The following CADM2 variants were observed in gnomAD, a reference collection of about 807,000 sequenced individuals.
CADM2 encodes the protein immunoglobulin superfamily member 4D.
CADM2 carries 12 observed loss-of-function variants against 49.8 expected under a neutral mutation model. The ratio of observed to expected loss-of-function variants is 0.24; its 90% CI spans 0.15 to 0.39. The LOEUF (loss-of-function observed/expected upper bound fraction) is 0.39, where lower values mean the gene tolerates loss of function less well. Among genes scored for constraint, CADM2 ranks in the 10% least tolerant of loss-of-function variants. The probability of loss-of-function intolerance (pLI) is 1.00; values close to 1 mark genes in which losing one functional copy is unlikely to be tolerated. For synonymous variants in CADM2, 214 were observed against 175.4 expected (o/e 1.22, Z -1.74); for missense variants, 378 against 492.3 (o/e 0.77, Z 2.20).
intron 3 of CADM2, among the ~76,000 whole-genome samples, chr3:85,855,904 G>GC (rs1473784861): frequency 6.6e-6 from 1 of 151,968 alleles, no homozygotes; most frequent in African/African-American, 2.4e-5. Flanking sequence ...GGGATTACAG[G>GC]CGTGAGCCAC....
intron 1 of CADM2, among the ~76,000 whole-genome samples, chr3:85,329,392 G>GACAC (rs145193562): frequency 0.012 from 1,743 of 146,242 alleles, 26 homozygotes; most frequent in African/African-American, 0.034. Context: ...CACACACACA[G>GACAC]ACACACACAC....
intron 6 of CADM2, among the ~76,000 whole-genome samples, chr3:85,915,659 C>T (rs1024104245): frequency 2.6e-5 from 4 of 151,984 alleles, no homozygotes; most frequent in African/African-American, 9.7e-5. Context: ...TAGAACTTTC[C>T]ATGAATGAGA....
intron 3 of CADM2, among the ~76,000 whole-genome samples, chr3:85,819,590 A>G (rs945478832): frequency 1.3e-5 from 2 of 152,158 alleles, no homozygotes; most frequent in Admixed American, 1.3e-4. Context: ...CCATCCATTT[A>G]TGGTAGAGAA....
chr3:85,039,220 C>T lies in CADM2; in HGVS notation c.61+79552C>T, dbSNP rs28422781. 4.7e-3 allele frequency among the ~76,000 whole-genome samples: 722 copies of T among 152,220 alleles called. 4 individuals carry two copies. Among genetic ancestry groups the T allele is most frequent in the African/African-American group, 0.017 (686 of 41,542 alleles). On this transcript the variant is annotated intron_variant, in intron 1 of 9. Transcript: ENST00000383699. ...TTCTCCATGTTGGTCAGGCTGGTATCGGACTCCTCACCTCAGGTGATCCAC... is the reference window on the plus strand; with the variant it reads ...TTCTCCATGTTGGTCAGGCTGGTATTGGACTCCTCACCTCAGGTGATCCAC...
Position 85,486,636 on chromosome 3 carries a change from T to C in CADM2, c.62-239886T>C, listed in dbSNP as rs186767753. Among the ~76,000 whole-genome samples, 52 of 152,232 alleles carry C rather than the reference T, an allele frequency of 3.4e-4. 1 individual carries two copies. The highest frequency in any genetic ancestry group is 1.1e-3 in the African/African-American group (46 of 41,550). ...AAAATAACAAATGTTTTCCAATGGA[T>C]TCTATTATAAAGGTTCCCAACAGAT... On this transcript the variant is annotated intron_variant, in intron 1 of 9. Transcript: ENST00000383699.
At chr3:85,972,080 AC>A (rs1198515931) in intron 8 of CADM2, among the ~76,000 whole-genome samples, 1 of 151,482 alleles carries the variant, frequency 6.6e-6, no homozygotes, top group Non-Finnish European at 1.5e-5. Context: ...GTGAGTTGGG[AC>A]CTTCTCAACC....
chr3:85,971,431 C>T lies in CADM2; in HGVS notation c.970+9784C>T, dbSNP rs1404602540. On this transcript the variant is annotated intron_variant, in intron 8 of 9. Transcript: ENST00000383699. Reference sequence around the variant, plus strand: ...AGGTTAAATTACATGCAAAATGGCTCTCAGCTACTTTATCACAGAGCCTAC... The same window carrying T: ...AGGTTAAATTACATGCAAAATGGCTTTCAGCTACTTTATCACAGAGCCTAC... Among the ~76,000 whole-genome samples the T allele has an allele frequency of 4.0e-5, 6 of 151,758 alleles. No homozygotes were observed. In the South Asian group the frequency reaches 6.2e-4, roughly 16 times the overall value.
chr3:85,779,975 C>G (rs2070552981), intron 2 of CADM2, among the ~76,000 whole-genome samples: 1 of 151,938 alleles, frequency 6.6e-6, no homozygotes, highest in African/African-American at 2.4e-5. Context: ...TAAGTAACAT[C>G]TAGTGGTCCA....
chr3:85,522,711 A>G (rs1158953309), intron 1 of CADM2, among the ~76,000 whole-genome samples: 1 of 152,068 alleles, frequency 6.6e-6, no homozygotes, highest in African/African-American at 2.4e-5. Flanking sequence ...TTGTAGGAGC[A>G]ATGAAGATAC....
At chr3:85,583,448 G>A (rs548560027) in intron 1 of CADM2, among the ~76,000 whole-genome samples, 1 of 152,094 alleles carries the variant, frequency 6.6e-6, no homozygotes, top group East Asian at 1.9e-4. Context: ...GAGGGTGAAA[G>A]TTATATCTTT....
chr3:85,577,436 C>T (rs139431531), intron 1 of CADM2, among the ~76,000 whole-genome samples: 4 of 152,230 alleles, frequency 2.6e-5, no homozygotes, highest in Admixed American at 6.5e-5. Flanking sequence ...CTCTCTCGCA[C>T]GTGCTCTCTT....
At chr3:85,092,452 T>C (rs2037633322) in intron 1 of CADM2, among the ~76,000 whole-genome samples, 3 of 152,120 alleles carry the variant, frequency 2.0e-5, no homozygotes, top group Admixed American at 2.0e-4. Flanking sequence ...AAGATATATA[T>C]ATATCATGTT....
intron 1 of CADM2, among the ~76,000 whole-genome samples, chr3:85,199,469 CA>C (rs58343654): frequency 0.13 from 19,365 of 147,692 alleles, 3,822 homozygotes; most frequent in African/African-American, 0.43. Flanking sequence ...TTAGTAATTT[CA>C]AAATTTTTTT....
At chr3:86,013,129 A>G (rs1731762329) in intron 8 of CADM2, 2 of 1,336,404 alleles carry the variant, frequency 1.5e-6, no homozygotes, top group Admixed American at 3.4e-5. Context: ...TGAACAAACC[A>G]CGTAAGTAGA....
At chr3:85,594,025 C>A (rs1423856746) in intron 1 of CADM2, among the ~76,000 whole-genome samples, 1 of 151,696 alleles carries the variant, frequency 6.6e-6, no homozygotes, top group African/African-American at 2.4e-5. Context: ...AGTTAAATAT[C>A]CCAAGGATGT....
At chr3:85,659,546 C>T (rs763330525) in intron 1 of CADM2, among the ~76,000 whole-genome samples, 17 of 152,046 alleles carry the variant, frequency 1.1e-4, no homozygotes, top group Non-Finnish European at 2.4e-4. Flanking sequence ...AACATTGTCT[C>T]AGGAAAGCAG....
At chr3:85,281,286 G>A (rs922847012) in intron 1 of CADM2, among the ~76,000 whole-genome samples, 1 of 151,698 alleles carries the variant, frequency 6.6e-6, no homozygotes, top group Non-Finnish European at 1.5e-5. Context: ...AGGGTTAATA[G>A]AATTATCCTT....
At position 85,703,908 on chromosome 3, in the gene CADM2, T is replaced by C. The variant is rs527844228; in HGVS notation, c.62-22614T>C. 6.6e-5 allele frequency among the ~76,000 whole-genome samples: 10 copies of C among 152,318 alleles called. No homozygotes were observed. The East Asian group carries it at 1.5e-3, about 24-fold the overall frequency. On this transcript the variant is annotated intron_variant, in intron 1 of 9. Coordinates refer to ENST00000383699, the MANE Select transcript of CADM2 (RefSeq NM_001167675.2). ...CAAAACAGTGTCTTTCAAAATGTAC[T>C]GAAGTGTTTCCTGAACCCCTTCTAC... is the stretch of plus-strand genomic sequence containing the variant.
chr3:85,635,030 C>T (rs1413780748), intron 1 of CADM2, among the ~76,000 whole-genome samples: 1 of 151,958 alleles, frequency 6.6e-6, no homozygotes, highest in African/African-American at 2.4e-5. Flanking sequence ...TTATTTGATC[C>T]ATGAGAAATA....
Sources: allele counts gnomAD v4.1 joint callset (sites outside exome capture counted in the v4.1 genomes callset), GRCh38; gene constraint gnomAD v4.1.1; transcripts MANE v1.5; gene names NCBI Gene and HGNC (gene_info 2026-07-23, HGNC 2026-07-21).